The following AGAP1 variants were observed in gnomAD, a reference collection of about 807,000 sequenced individuals.
AGAP1 encodes the protein arf-GAP with GTPase, ANK repeat and PH domain-containing protein 1.
A neutral mutation model predicts 105.3 loss-of-function variants in AGAP1; 29 were observed. The ratio of observed to expected loss-of-function variants is 0.28; its 90% confidence interval spans 0.21 to 0.38. The LOEUF (loss-of-function observed/expected upper bound fraction) is 0.38, where lower values mean the gene tolerates loss of function less well. Among genes scored for constraint, AGAP1 ranks in the 10% least tolerant of loss-of-function variants. AGAP1 has a pLI of 1.00. For synonymous variants in AGAP1, 509 were observed against 485.9 expected (o/e 1.05, Z -0.63); for missense variants, 998 against 1,165.1 (o/e 0.86, Z 2.09).
chr2:235,931,536 G>A lies in AGAP1; in HGVS notation c.1483+613G>A, dbSNP rs892571607. Among the ~76,000 whole-genome samples the A allele has an allele frequency of 3.9e-5, 6 of 152,030 alleles. No individual in the cohort carries two copies. The highest frequency in any genetic ancestry group is 2.0e-4 in the Admixed American group (3 of 15,264). ...GCCGTCTGTGTGGAGCGTGAATGAC[G>A]CAGCACCGAGGGCACCCTGGTGGCT... On this transcript the variant is annotated intron_variant, in intron 12 of 17. Transcript: ENST00000304032. This position sits in a 1 kb window ranked among gnomAD's most constrained non-coding sequence, Gnocchi z 5.6.
intron 11 of AGAP1, among the ~76,000 whole-genome samples, chr2:235,922,137 C>T (rs1358851039): frequency 6.6e-6 from 1 of 152,156 alleles, no homozygotes; most frequent in Non-Finnish European, 1.5e-5. Context: ...GCAAGGTAGC[C>T]GCTCACGCTG....
chr2:235,876,019 C>T (rs751747171), intron 9 of AGAP1, among the ~76,000 whole-genome samples: 10 of 152,138 alleles, frequency 6.6e-5, no homozygotes, highest in Non-Finnish European at 1.2e-4. Context: ...ATGTCAGACC[C>T]ATGACCAAGA....
chr2:235,819,904 CTTT>C (rs1179307250), intron 9 of AGAP1, among the ~76,000 whole-genome samples: 4 of 130,254 alleles, frequency 3.1e-5, no homozygotes. Context: ...TTCTTTCTTT[CTTT>C]TTTTTTTTTT....
intron 12 of AGAP1, among the ~76,000 whole-genome samples, chr2:235,944,143 T>C (rs2053388750): frequency 6.6e-6 from 1 of 152,232 alleles, no homozygotes; most frequent in African/African-American, 2.4e-5. Context: ...CAGGGAAATA[T>C]TTCTATGTAT....
rs1025222328 is a variant in AGAP1 at position 235,569,911 on chromosome 2, G to C, written c.163+75062G>C. On this transcript the variant is annotated intron_variant, in intron 1 of 17. Transcript: ENST00000304032. This position sits in a 1 kb window ranked among gnomAD's most constrained non-coding sequence, Gnocchi z 5.9. Reference sequence around the variant, plus strand: ...AGTGAAAACAGCAAAAATTTAGAATGTTTATAGAATTGAACACGAAAACCA... The same window carrying C: ...AGTGAAAACAGCAAAAATTTAGAATCTTTATAGAATTGAACACGAAAACCA... 6.6e-6 allele frequency among the ~76,000 whole-genome samples: 1 copy of C among 152,204 alleles called. No homozygotes were observed. Among genetic ancestry groups the C allele is most frequent in the African/African-American group, 2.4e-5 (1 of 41,452 alleles).
chr2:235,824,384 C>G lies in AGAP1; in HGVS notation c.1050+17053C>G, dbSNP rs1467636869. Among the ~76,000 whole-genome samples, 1 of 152,208 alleles carries G rather than the reference C, an allele frequency of 6.6e-6. No individual in the cohort carries two copies. Among genetic ancestry groups the G allele is most frequent in the Non-Finnish European group, 1.5e-5 (1 of 68,032 alleles). ...CACTGTGGGTCTTGCAAATTGGTAA[C>G]TGGTAGCTACCAGTGTAATTAAATA... On this transcript the variant is annotated intron_variant, in intron 9 of 17. Transcript: ENST00000304032. This position sits in a 1 kb window ranked among gnomAD's most constrained non-coding sequence, Gnocchi z 5.2.
chr2:235,714,769 TTA>T lies in AGAP1; in HGVS notation c.223-2784_223-2783del, dbSNP rs1054297222. Among the ~76,000 whole-genome samples, 2 of 152,092 alleles carry T rather than the reference TTA, an allele frequency of 1.3e-5. No individual in the cohort carries two copies. The highest frequency in any genetic ancestry group is 4.8e-5 in the African/African-American group (2 of 41,414). ...ACACTGTCATGCCAAATTTGTTCTC[TTA>T]TATGTTTGTTTGTTTTCTTTTTTGT... On this transcript the variant is annotated intron_variant, in intron 2 of 17. Coordinates refer to ENST00000304032, the MANE Select transcript of AGAP1 (RefSeq NM_001037131.3). This position sits in a 1 kb window ranked among gnomAD's most constrained non-coding sequence, Gnocchi z 4.1.
rs2050148172 is a variant in AGAP1, at chr2:235,883,941, T to C, written c.1155+492T>C. Among the ~76,000 whole-genome samples the C allele has an allele frequency of 6.6e-6, 1 of 152,238 alleles. No homozygotes were observed. On this transcript the variant is annotated intron_variant, in intron 10 of 17. Coordinates refer to ENST00000304032, the MANE Select transcript of AGAP1 (RefSeq NM_001037131.3). The surrounding 1 kb of genome is among the most constrained non-coding windows in gnomAD (Gnocchi z 4.5). ...AAAAGAAACTCTCCTCTTTGTGTTA[T>C]ATGTAAGTTTATGTTACATATAAGT...
intron 1 of AGAP1, among the ~76,000 whole-genome samples, chr2:235,607,192 C>CG (rs1010096865): frequency 1.4e-4 from 21 of 152,166 alleles, no homozygotes; most frequent in Middle Eastern, 3.4e-3. Context: ...CAGAGCCCCC[C>CG]CTTCCCTGCC....
rs924810504 is a variant in AGAP1 at position 235,993,311 on chromosome 2, GT to G, written c.1645+24691del. On this transcript the variant is annotated intron_variant, in intron 13 of 17. Transcript: ENST00000304032. This position sits in a 1 kb window ranked among gnomAD's most constrained non-coding sequence, Gnocchi z 5.0. ...CTTGTATTCTGAGCTGCTGTCAGTGGTTTAAACATTTCACTTGGGTTAGCCT... is the reference window on the plus strand; with the variant it reads ...CTTGTATTCTGAGCTGCTGTCAGTGGTTAAACATTTCACTTGGGTTAGCCT... 6.6e-6 allele frequency among the ~76,000 whole-genome samples: 1 copy of G among 152,144 alleles called. No individual in the cohort carries two copies. Among genetic ancestry groups the G allele is most frequent in the Non-Finnish European group, 1.5e-5 (1 of 68,026 alleles).
rs1956727650 is a variant in AGAP1 at position 235,787,583 on chromosome 2, G to A, written c.674-10176G>A. 6.6e-6 allele frequency among the ~76,000 whole-genome samples: 1 copy of A among 152,164 alleles called. No individual in the cohort carries two copies. The highest frequency in any genetic ancestry group is 2.1e-4 in the South Asian group (1 of 4,826). ...GATGATGCAGCTGGCAGATTTGTCT[G>A]GATTTCACAATCTCCCACATCTAGC... On this transcript the variant is annotated intron_variant, in intron 6 of 17. Transcript: ENST00000304032. The surrounding 1 kb of genome is among the most constrained non-coding windows in gnomAD (Gnocchi z 4.4).
chr2:235,541,610 C>T (rs1389979417), intron 1 of AGAP1, among the ~76,000 whole-genome samples: 2 of 151,622 alleles, frequency 1.3e-5, no homozygotes, highest in South Asian at 2.1e-4. Context: ...AGGATGGTCT[C>T]GATCTCCTGA....
At chr2:235,521,188 T>G (rs996390954) in intron 1 of AGAP1, among the ~76,000 whole-genome samples, 5 of 152,192 alleles carry the variant, frequency 3.3e-5, no homozygotes, top group Non-Finnish European at 7.4e-5. Flanking sequence ...CTCTTTAGGG[T>G]GTATCTCACT....
At chr2:235,896,343 T>C (rs960141351) in intron 10 of AGAP1, among the ~76,000 whole-genome samples, 1 of 152,244 alleles carries the variant, frequency 6.6e-6, no homozygotes, top group African/African-American at 2.4e-5. Flanking sequence ...TGTTTGTCCA[T>C]GGATGGACAC....
At chr2:236,052,967 GAACT>G (rs1385249519) in intron 16 of AGAP1, among the ~76,000 whole-genome samples, 1 of 152,208 alleles carries the variant, frequency 6.6e-6, no homozygotes, top group Non-Finnish European at 1.5e-5. Flanking sequence ...ACAGTGGACA[GAACT>G]AACTAGGTTT....
At chr2:236,033,914 G>A (rs907988771) in intron 13 of AGAP1, among the ~76,000 whole-genome samples, 11 of 152,340 alleles carry the variant, frequency 7.2e-5, no homozygotes, top group African/African-American at 2.4e-4. Flanking sequence ...TCCAATAAAT[G>A]CTGATCAGAG....
chr2:236,117,506 G>A (rs897556200), intron 16 of AGAP1, among the ~76,000 whole-genome samples: 6 of 152,144 alleles, frequency 3.9e-5, no homozygotes, highest in African/African-American at 9.7e-5. Flanking sequence ...TGGGGTGTGG[G>A]AATATTAAAA....
rs1476972634 is a variant in AGAP1, at chr2:236,000,905, G to A, written c.1645+32282G>A. Among the ~76,000 whole-genome samples the A allele has an allele frequency of 6.6e-6, 1 of 152,200 alleles. No homozygotes were observed. Among genetic ancestry groups the A allele is most frequent in the African/African-American group, 2.4e-5 (1 of 41,456 alleles). Reference sequence around the variant, plus strand: ...GTGGAAGGAACCAGGGCCAAGCGAGGGAGGCAGATGCCGCGTGGCGTGAGG... The same window carrying A: ...GTGGAAGGAACCAGGGCCAAGCGAGAGAGGCAGATGCCGCGTGGCGTGAGG... On this transcript the variant is annotated intron_variant, in intron 13 of 17. Coordinates refer to ENST00000304032, the MANE Select transcript of AGAP1 (RefSeq NM_001037131.3). This position sits in a 1 kb window ranked among gnomAD's most constrained non-coding sequence, Gnocchi z 4.3.
chr2:235,544,726 T>C (rs1026056130), intron 1 of AGAP1, among the ~76,000 whole-genome samples: 1 of 152,162 alleles, frequency 6.6e-6, no homozygotes, highest in African/African-American at 2.4e-5. Flanking sequence ...AGGAAGCCCT[T>C]CGCCTGAGGC....
Sources: allele counts gnomAD v4.1 joint callset (sites outside exome capture counted in the v4.1 genomes callset), GRCh38; gene constraint gnomAD v4.1.1; non-coding constraint Gnocchi (gnomAD v3.1); transcripts MANE v1.5; gene names NCBI Gene and HGNC (gene_info 2026-07-23, HGNC 2026-07-21).